NRF1: variants seen among roughly 807,000 people sequenced by gnomAD.
NRF1 encodes the protein alpha palindromic-binding protein.
A neutral mutation model predicts 58.5 loss-of-function variants in NRF1; 5 were observed. That is an observed-to-expected ratio of 0.09 (90% CI 0.04 to 0.18). The LOEUF (loss-of-function observed/expected upper bound fraction) is 0.18. Ranked by LOEUF, NRF1 falls within the 10% of genes least tolerant of loss-of-function variation. The probability of loss-of-function intolerance (pLI) is 1.00; values close to 1 mark genes in which losing one functional copy is unlikely to be tolerated. For missense variants in NRF1, 288 were observed against 657.7 expected (o/e 0.44, Z 6.15); for synonymous variants, 224 against 246.7 (o/e 0.91, Z 0.86).
intron 10 of NRF1, among the ~76,000 whole-genome samples, chr7:129,748,219 G>A (rs1285050652): frequency 7.3e-6 from 1 of 136,556 alleles, no homozygotes; most frequent in Non-Finnish European, 1.5e-5. Context: ...AGGCTGCAGT[G>A]AGCCGAGATC....
chr7:129,672,355 C>T (rs1802067180), intron 3 of NRF1, among the ~76,000 whole-genome samples: 1 of 151,782 alleles, frequency 6.6e-6, no homozygotes. Flanking sequence ...TCTTATAGTC[C>T]AATATCAGGG....
chr7:129,715,954 G>A (rs953104359), intron 8 of NRF1, among the ~76,000 whole-genome samples: 1 of 151,384 alleles, frequency 6.6e-6, no homozygotes, highest in South Asian at 2.1e-4. Flanking sequence ...GCGGTGAGCC[G>A]AGATCGCGCC....
At chr7:129,713,913 T>C (rs75087413) in intron 8 of NRF1, among the ~76,000 whole-genome samples, 120 of 152,340 alleles carry the variant, frequency 7.9e-4, no homozygotes, top group African/African-American at 2.8e-3. Context: ...CATTGACTTG[T>C]GAAAGCATGG....
rs1029799570 is a variant in NRF1, at chr7:129,645,137, T to C, written c.-6-12209T>C. On this transcript the variant is annotated intron_variant, in intron 1 of 10. Transcript: ENST00000393232. ...ATGGAATAAGAATAAGTTACACTTA[T>C]ATAGCACTCACTATATACCATGTCC... Among the ~76,000 whole-genome samples the C allele has an allele frequency of 1.1e-4, 16 of 152,208 alleles. 1 individual carries two copies. The highest frequency in any genetic ancestry group is 2.6e-4 in the Admixed American group (4 of 15,284).
intron 1 of NRF1, among the ~76,000 whole-genome samples, chr7:129,646,504 G>A (rs988649658): frequency 1.3e-5 from 2 of 152,142 alleles, no homozygotes; most frequent in Non-Finnish European, 2.9e-5. Flanking sequence ...CTAGGTTTGG[G>A]GGAACAGAAG....
chr7:129,619,490 G>GTATATA lies in NRF1; in HGVS notation c.-7+7684_-7+7689dup, dbSNP rs67190499. 5.0e-3 allele frequency among the ~76,000 whole-genome samples: 240 copies of GTATATA among 48,282 alleles called. 3 individuals carry two copies. Among genetic ancestry groups the GTATATA allele is most frequent in the Middle Eastern group, 0.025 (2 of 80 alleles). The allele number at this position is 48,282 out of a possible 152,430, so 31.7% of individuals were successfully genotyped here. On this transcript the variant is annotated intron_variant, in intron 1 of 10. Coordinates refer to ENST00000393232, the MANE Select transcript of NRF1 (RefSeq NM_005011.5). The stretch of plus-strand genomic sequence containing the variant: ...TGTGTGTGTGTGTGTGTGTGTGTGT[G>GTATATA]TATATATATATATATATATATATGT...
At chr7:129,617,905 C>G (rs1800689620) in intron 1 of NRF1, among the ~76,000 whole-genome samples, 1 of 152,136 alleles carries the variant, frequency 6.6e-6, no homozygotes, top group Admixed American at 6.5e-5. Flanking sequence ...TTTTGCTCGA[C>G]TTGGAGAATA....
At chr7:129,696,060 T>TTAA (rs777936919) in intron 5 of NRF1, among the ~76,000 whole-genome samples, 1 of 53,386 alleles carries the variant, frequency 1.9e-5, no homozygotes, top group South Asian at 8.0e-4. Flanking sequence ...CCGTCTCTAC[T>TTAA]AAAAAAAAAA....
chr7:129,651,472 G>T (rs989730756), intron 1 of NRF1, among the ~76,000 whole-genome samples: 1 of 151,630 alleles, frequency 6.6e-6, no homozygotes, highest in African/African-American at 2.4e-5. Context: ...AGGGAGAGAG[G>T]TGGAAAGAGA....
intron 1 of NRF1, among the ~76,000 whole-genome samples, chr7:129,645,650 C>G (rs1239995530): frequency 6.6e-6 from 1 of 152,056 alleles, no homozygotes; most frequent in African/African-American, 2.4e-5. Context: ...AAATTATTTT[C>G]TGTTTGTCAG....
chr7:129,679,574 T>G (rs1802259096), intron 4 of NRF1, among the ~76,000 whole-genome samples: 1 of 143,998 alleles, frequency 6.9e-6, no homozygotes, highest in South Asian at 2.2e-4. Context: ...ACAAAAAAAC[T>G]TAGCCGGGCC....
intron 5 of NRF1, among the ~76,000 whole-genome samples, chr7:129,702,162 A>C (rs879323750): frequency 6.6e-6 from 1 of 152,186 alleles, no homozygotes; most frequent in East Asian, 1.9e-4. Flanking sequence ...TATTATTTAC[A>C]TTTTTGTACA....
At chr7:129,664,886 C>T (rs959628056) in intron 2 of NRF1, among the ~76,000 whole-genome samples, 3 of 152,042 alleles carry the variant, frequency 2.0e-5, no homozygotes, top group Non-Finnish European at 4.4e-5. Context: ...CTTAGGAGTG[C>T]GAAAGGCTTA....
intron 2 of NRF1, among the ~76,000 whole-genome samples, chr7:129,664,517 A>G (rs982865138): frequency 2.4e-4 from 37 of 152,234 alleles, no homozygotes; most frequent in African/African-American, 7.7e-4. Flanking sequence ...TGGTGAATTT[A>G]AAAATAAGTC....
intron 10 of NRF1, among the ~76,000 whole-genome samples, chr7:129,728,827 G>T (rs866827651): frequency 5.3e-5 from 8 of 152,160 alleles, no homozygotes; most frequent in Admixed American, 6.5e-5. Context: ...TAGGGAAAGA[G>T]GCTTTTGTGC....
In NRF1 at chr7:129,734,984, G is replaced by A. The variant is rs534208792; in HGVS notation, c.1348+7619G>A. On this transcript the variant is annotated intron_variant, in intron 10 of 10. Transcript: ENST00000393232. ...GTAGGGCTGTGGATCCTGGGGAAAG[G>A]GTCAGGGGCGTGTTCATTTTTGCCT... 6.0e-5 allele frequency: 52 copies of A among 863,794 alleles called. No individual in the cohort carries two copies. In the African/African-American group the frequency reaches 7.5e-4, roughly 12 times the overall value. The allele number at this position is 863,794 out of a possible 1,614,324, so 53.5% of individuals were successfully genotyped here. A position where few individuals can be genotyped will look rare whatever the true frequency, so the allele number is the denominator to read the frequency against.
intron 1 of NRF1, among the ~76,000 whole-genome samples, chr7:129,622,576 T>C (rs942822071): frequency 8.0e-5 from 12 of 150,774 alleles, no homozygotes; most frequent in African/African-American, 1.9e-4. Flanking sequence ...CTTTTCTTTT[T>C]TTTTTTTTTT....
intron 1 of NRF1, among the ~76,000 whole-genome samples, chr7:129,632,503 T>C (rs1183615749): frequency 1.3e-5 from 2 of 152,108 alleles, no homozygotes; most frequent in South Asian, 2.1e-4. Context: ...ATCACAGTTA[T>C]TGTTGAAGCT....
chr7:129,637,274 A>G (rs895660613), intron 1 of NRF1, among the ~76,000 whole-genome samples: 6 of 151,892 alleles, frequency 4.0e-5, no homozygotes, highest in African/African-American at 7.3e-5. Flanking sequence ...AAAGAAGAAG[A>G]AGATTCATTG....
Sources: allele counts gnomAD v4.1 joint callset (sites outside exome capture counted in the v4.1 genomes callset), GRCh38; gene constraint gnomAD v4.1.1; transcripts MANE v1.5; gene names NCBI Gene and HGNC (gene_info 2026-07-23, HGNC 2026-07-21).